CMTM2: variants seen among roughly 807,000 people sequenced by gnomAD.
CMTM2 encodes CKLF-like MARVEL transmembrane domain-containing protein 2.
A neutral mutation model predicts 16.8 loss-of-function variants in CMTM2; 15 were observed. That is an observed-to-expected ratio of 0.89 (90% CI 0.60 to 1.37). The LOEUF is 1.37. CMTM2 is among the 40% of genes most tolerant of loss of function. The pLI is 0.00. For synonymous variants in CMTM2, 117 were observed against 118.7 expected, an observed-to-expected ratio of 0.99 and a Z score of 0.09; for missense variants, 282 against 318.0, an observed-to-expected ratio of 0.89 and a Z score of 0.86.
intron 2 of CMTM2, among the ~76,000 whole-genome samples, chr16:66,581,729 C>T (rs1315034334): frequency 6.6e-6 from 1 of 152,176 alleles, no homozygotes; most frequent in Admixed American, 6.5e-5. Flanking sequence ...TTCATCTCTG[C>T]CTGAGCTTTG....
intron 2 of CMTM2, among the ~76,000 whole-genome samples, chr16:66,584,785 T>C (rs963492237): frequency 1.3e-5 from 2 of 151,964 alleles, no homozygotes; most frequent in Non-Finnish European, 2.9e-5. Flanking sequence ...CCATTAAAAT[T>C]AAAACTTCAA....
chr16:66,587,822 T>C, intron 3 of CMTM2, 97 bp from the exon 4 acceptor site: 2 of 1,206,864 alleles, frequency 1.7e-6, no homozygotes, highest in Non-Finnish European at 2.4e-6. Flanking sequence ...ATGGGGGATG[T>C]GTGAAACAGC....
chr16:66,587,088 T>TA lies in CMTM2; in HGVS notation c.537dup (p.Leu180ThrfsTer116), dbSNP rs761889668. The TA allele has an allele frequency of 2.4e-5, 38 of 1,612,602 alleles. No homozygotes were observed. The highest frequency in any genetic ancestry group is 4.0e-5 in the African/African-American group (3 of 74,910). ...CGGCGATCCATGAATCTCCACTACT[T>TA]ACTTGCTGTGGTGAGTCTTTCCATG... On this transcript the variant is annotated frameshift_variant, in exon 3 of 4. Coordinates refer to ENST00000268595, the MANE Select transcript of CMTM2 (RefSeq NM_144673.3). LOFTEE classifies it low-confidence loss of function (END_TRUNC).
At position 66,579,870 on chromosome 16, in the gene CMTM2, C is replaced by G; in HGVS notation, c.263C>G (p.Ala88Gly). 1 of 1,609,760 alleles carries G rather than the reference C, an allele frequency of 6.2e-7. No homozygotes were observed. Among genetic ancestry groups the G allele is most frequent in the Non-Finnish European group, 8.5e-7 (1 of 1,177,904 alleles). ...SNKEFWLLGH[A>G]EIKIRSLGCL... is the part of the protein sequence containing the mutation. ...AAAGAGTTCTGGCTCTTGGGGCACGCTGAGATCAAGATTCGGAGTTTGGTG... is the reference window on the plus strand; with the variant it reads ...AAAGAGTTCTGGCTCTTGGGGCACGGTGAGATCAAGATTCGGAGTTTGGTG... Residue 88 changes from alanine to glycine, a missense_variant, in exon 1 of 4, where the codon GCT (alanine) becomes GGT (glycine). By Grantham distance (60) the Ala-to-Gly change is moderately conservative (BLOSUM62 0). Transcript: ENST00000268595. The surrounding 1 kb of genome is among the most constrained non-coding windows in gnomAD (Gnocchi z 6.5).
intron 2 of CMTM2, among the ~76,000 whole-genome samples, chr16:66,584,111 C>T (rs1316190948): frequency 6.6e-6 from 1 of 152,212 alleles, no homozygotes; most frequent in Non-Finnish European, 1.5e-5. Flanking sequence ...TCTCAGCTCA[C>T]TGCAACTTCC....
chr16:66,580,999 C>T (rs2144701853), intron 2 of CMTM2, among the ~76,000 whole-genome samples: 1 of 152,234 alleles, frequency 6.6e-6, no homozygotes, highest in Non-Finnish European at 1.5e-5. Flanking sequence ...CCCTCTTGTT[C>T]ACTGTTTCAC....
chr16:66,583,934 G>A (rs2014763235), intron 2 of CMTM2, among the ~76,000 whole-genome samples: 1 of 152,206 alleles, frequency 6.6e-6, no homozygotes, highest in Admixed American at 6.5e-5. Context: ...ATCATACGTT[G>A]AGGCCCTAAC....
chr16:66,586,986 T>C lies in CMTM2; in HGVS notation c.445-11T>C. ...GCTTTGGCTGAGGCTGACTAACCTC[T>C]CCACCTTCAGGACCTCTTCAACGAC... is the stretch of plus-strand genomic sequence containing the variant. On this transcript the variant is annotated splice_polypyrimidine_tract_variant and intron_variant, in intron 2 of 3. Coordinates refer to ENST00000268595, the MANE Select transcript of CMTM2 (RefSeq NM_144673.3). 2 of 1,609,782 alleles carry C rather than the reference T, an allele frequency of 1.2e-6. No homozygotes were observed. The highest frequency in any genetic ancestry group is 1.7e-6 in the Non-Finnish European group (2 of 1,176,096).
chr16:66,585,914 G>A (rs561616934), intron 2 of CMTM2, among the ~76,000 whole-genome samples: 1 of 152,350 alleles, frequency 6.6e-6, no homozygotes, highest in East Asian at 1.9e-4. Context: ...GATGGCAGGT[G>A]TCTTCCAGCG....
In CMTM2 at chr16:66,579,799, G is replaced by A. The variant is rs371415575; in HGVS notation, c.192G>A (p.Thr64=). 5.1e-5 allele frequency: 82 copies of A among 1,613,732 alleles called. No homozygotes were observed. The highest frequency in any genetic ancestry group is 6.4e-5 in the Non-Finnish European group (75 of 1,180,024). The part of the protein sequence containing the change: ...KAVQPKHEVG[T]RRGCRRYRWE... ...TGCAGCCCAAGCACGAAGTGGGCAC[G>A]AGGAGGGGGTGTCGCCGCTACCGGT... Residue 64 remains threonine (T), a synonymous_variant, in exon 1 of 4, where the codon ACG becomes ACA. Coordinates refer to ENST00000268595, the MANE Select transcript of CMTM2 (RefSeq NM_144673.3). This position sits in a 1 kb window ranked among gnomAD's most constrained non-coding sequence, Gnocchi z 6.5.
Position 66,580,081 on chromosome 16 carries a change from T to G in CMTM2, c.341T>G (p.Leu114Trp). ...TCCTCACTCACCGTGCACCCCATCT[T>G]GAGGCTTATCATCACCATGGAGATA... The part of the protein sequence containing the change: ...LLSSLTVHPI[L>W]RLIITMEISF... Residue 114 changes from leucine to tryptophan, a missense_variant, in exon 2 of 4, where the codon TTG becomes TGG. Leu to Trp is a moderately conservative substitution (Grantham distance 61). Transcript: ENST00000268595. 2 of 1,614,212 alleles carry G rather than the reference T, an allele frequency of 1.2e-6. No individual in the cohort carries two copies. Among genetic ancestry groups the G allele is most frequent in the Non-Finnish European group, 1.7e-6 (2 of 1,180,020 alleles).
intron 2 of CMTM2, among the ~76,000 whole-genome samples, chr16:66,584,134 A>G (rs1336622998): frequency 6.6e-6 from 1 of 152,178 alleles, no homozygotes; most frequent in African/African-American, 2.4e-5. Flanking sequence ...CTCCTGGTTC[A>G]AGCATTCTCC....
intron 3 of CMTM2, among the ~76,000 whole-genome samples, chr16:66,587,472 G>A (rs1001536600): frequency 1.3e-5 from 2 of 152,134 alleles, no homozygotes; most frequent in African/African-American, 2.4e-5. Flanking sequence ...CAGGAGAATC[G>A]CTTAAATCCA....
rs2014701124 is a variant in CMTM2, at chr16:66,580,102, A to G, written c.362A>G (p.Glu121Gly). The G allele has an allele frequency of 1.9e-6, 3 of 1,613,986 alleles. No individual in the cohort carries two copies. Among genetic ancestry groups the G allele is most frequent in the African/African-American group, 2.7e-5 (2 of 74,928 alleles). The change falls in exon 2 of 4, where the codon GAG becomes GGG. Residue 121 changes from glutamate to glycine, a missense_variant. Glu to Gly is a moderately conservative substitution (Grantham distance 98). Coordinates refer to ENST00000268595, the MANE Select transcript of CMTM2 (RefSeq NM_144673.3). Reference sequence around the variant, plus strand: ...ATCTTGAGGCTTATCATCACCATGGAGATATCCTTCTTCAGCTTCTTCATC... The same window carrying G: ...ATCTTGAGGCTTATCATCACCATGGGGATATCCTTCTTCAGCTTCTTCATC... ...HPILRLIITM[E>G]ISFFSFFILL...
chr16:66,582,441 C>A (rs2014746261), intron 2 of CMTM2, among the ~76,000 whole-genome samples: 1 of 152,194 alleles, frequency 6.6e-6, no homozygotes, highest in African/African-American at 2.4e-5. Flanking sequence ...TGGCTCACAC[C>A]TGTAATCCCA....
rs748259882 is a variant in CMTM2 at position 66,579,685 on chromosome 16, AGAC to A, written c.79_81del (p.Asp27del). 9 of 1,613,834 alleles carry A rather than the reference AGAC, an allele frequency of 5.6e-6. No homozygotes were observed. The South Asian group carries it at 7.7e-5, about 14-fold the overall frequency. The stretch of plus-strand genomic sequence containing the variant: ...CTCCACCCGGGGCCAAACCCGAGGA[AGAC>A]AAGAAGGACGGTAAGGAGCCATCGG... On this transcript the variant is annotated inframe_deletion, in exon 1 of 4. Coordinates refer to ENST00000268595, the MANE Select transcript of CMTM2 (RefSeq NM_144673.3). This position sits in a 1 kb window ranked among gnomAD's most constrained non-coding sequence, Gnocchi z 6.5.
Position 66,579,508 on chromosome 16 carries a change from C to A in CMTM2, c.-100C>A. ...AGCTGAGCACGCCCTCTGAGCCGCT[C>A]GGTGGACACCAGGCACTCTAGTAGG... On this transcript the variant is annotated 5_prime_UTR_variant, in exon 1 of 4. Coordinates refer to ENST00000268595, the MANE Select transcript of CMTM2 (RefSeq NM_144673.3). This position sits in a 1 kb window ranked among gnomAD's most constrained non-coding sequence, Gnocchi z 6.5. 1 of 1,459,740 alleles carries A rather than the reference C, an allele frequency of 6.9e-7. No homozygotes were observed. Among genetic ancestry groups the A allele is most frequent in the Non-Finnish European group, 9.3e-7 (1 of 1,076,000 alleles). 90.4% of individuals were successfully genotyped at this position (1,459,740 alleles called of 1,614,324 possible).
In CMTM2 at chr16:66,580,027, G is replaced by A. The variant is rs367871753; in HGVS notation, c.287G>A (p.Gly96Asp). The change falls in exon 2 of 4, where the codon GGC becomes GAC. Residue 96 changes from glycine (G) to aspartate (D), a missense_variant and splice_region_variant. Transcript: ENST00000268595. The part of the protein sequence containing the change: ...GHAEIKIRSL[G>D]CLIAAMILLS... Reference sequence around the variant, plus strand: ...TCAGGTGTCTATGTCTCACTGCAGGGCTGCCTAATAGCTGCAATGATACTG... The same window carrying A: ...TCAGGTGTCTATGTCTCACTGCAGGACTGCCTAATAGCTGCAATGATACTG... The A allele has an allele frequency of 6.2e-7, 1 of 1,614,160 alleles. No homozygotes were observed. Among genetic ancestry groups the A allele is most frequent in the South Asian group, 1.1e-5 (1 of 91,084 alleles).
intron 2 of CMTM2, among the ~76,000 whole-genome samples, chr16:66,581,633 G>A (rs12446364): frequency 0.058 from 8,873 of 152,182 alleles, 413 homozygotes; most frequent in East Asian, 0.12. Context: ...TAAAGCCAGC[G>A]CCCTGGAAAG....
Sources: gnomAD v4.1 joint callset for allele counts (sites outside exome capture counted in the v4.1 genomes callset) on GRCh38, gnomAD v4.1.1 for gene constraint, Gnocchi (gnomAD v3.1) non-coding constraint, MANE v1.5 for transcripts, NCBI Gene and HGNC (gene_info 2026-07-23, HGNC 2026-07-21) for gene names.